The following DLGAP2 variants were observed in gnomAD, a reference collection of about 807,000 sequenced individuals.
DLGAP2 encodes disks large-associated protein 2.
In DLGAP2, 26 loss-of-function variants were observed where a neutral mutation model predicts 100.3. The ratio of observed to expected loss-of-function variants is 0.26; its 90% CI spans 0.19 to 0.36. The LOEUF (loss-of-function observed/expected upper bound fraction) is 0.36, where lower values mean the gene tolerates loss of function less well. Among genes scored for constraint, DLGAP2 ranks in the 10% least tolerant of loss-of-function variants. The probability of loss-of-function intolerance (pLI) is 1.00; values close to 1 mark genes in which losing one functional copy is unlikely to be tolerated. For synonymous variants in DLGAP2, 886 were observed against 630.1 expected, an observed-to-expected ratio of 1.41 and a Z score of -6.08; for missense variants, 1,858 against 1,453.2, an observed-to-expected ratio of 1.28 and a Z score of -4.53.
At chr8:1,324,437 G>T (rs184111071) in intron 3 of DLGAP2, among the ~76,000 whole-genome samples, 1 of 152,144 alleles carries the variant, frequency 6.6e-6, no homozygotes, top group Non-Finnish European at 1.5e-5. Flanking sequence ...TTTCGTCTGC[G>T]TTACTGTCTG....
chr8:767,582 C>T (rs1293723220), intron 1 of DLGAP2, among the ~76,000 whole-genome samples: 1 of 152,052 alleles, frequency 6.6e-6, no homozygotes, highest in East Asian at 1.9e-4. Context: ...GTCTCGAACT[C>T]CTGACCTCGT....
intron 3 of DLGAP2, among the ~76,000 whole-genome samples, chr8:1,469,409 G>A (rs1798717611): frequency 6.6e-6 from 1 of 152,198 alleles, no homozygotes; most frequent in African/African-American, 2.4e-5. Flanking sequence ...CTCCTCAGGA[G>A]ACCCTCCATG....
intron 2 of DLGAP2, among the ~76,000 whole-genome samples, chr8:1,119,054 C>G (rs1468691544): frequency 6.6e-6 from 1 of 152,128 alleles, no homozygotes; most frequent in Non-Finnish European, 1.5e-5. Flanking sequence ...ACAACTTTAC[C>G]ATTAACTATT....
chr8:1,356,566 A>T (rs1801856820), intron 3 of DLGAP2, among the ~76,000 whole-genome samples: 1 of 152,016 alleles, frequency 6.6e-6, no homozygotes, highest in Non-Finnish European at 1.5e-5. Context: ...TGTGAGAGTT[A>T]CCCTGTGGCC....
chr8:1,121,184 C>T (rs1263197545), intron 2 of DLGAP2, among the ~76,000 whole-genome samples: 3 of 151,334 alleles, frequency 2.0e-5, no homozygotes, highest in African/African-American at 7.3e-5. Flanking sequence ...CCCATGACCA[C>T]CCGTCCTCCC....
At chr8:1,464,775 C>G (rs1246395749) in intron 3 of DLGAP2, among the ~76,000 whole-genome samples, 1 of 152,186 alleles carries the variant, frequency 6.6e-6, no homozygotes, top group Admixed American at 6.5e-5. Context: ...GTCCTGGCCT[C>G]CAGCGAAGCA....
chr8:1,157,720 C>T (rs550571132), intron 2 of DLGAP2, among the ~76,000 whole-genome samples: 22 of 152,302 alleles, frequency 1.4e-4, no homozygotes, highest in African/African-American at 5.1e-4. Flanking sequence ...CACATGGCAC[C>T]ATGACAAGAG....
chr8:1,681,901 T>C (rs181682570), intron 12 of DLGAP2, among the ~76,000 whole-genome samples: 18 of 138,860 alleles, frequency 1.3e-4, no homozygotes, highest in Middle Eastern at 3.5e-3. Flanking sequence ...CCAGCAGTGA[T>C]CTGGGACTGG....
intron 6 of DLGAP2, among the ~76,000 whole-genome samples, chr8:1,586,139 T>C (rs1041877739): frequency 6.6e-6 from 1 of 152,280 alleles, no homozygotes; most frequent in Non-Finnish European, 1.5e-5. Context: ...CGGGTTTCTC[T>C]GGGCTAAGGC....
At chr8:1,439,619 G>T (rs958292132) in intron 3 of DLGAP2, among the ~76,000 whole-genome samples, 1 of 152,142 alleles carries the variant, frequency 6.6e-6, no homozygotes, top group Non-Finnish European at 1.5e-5. Flanking sequence ...CAAATAGAAC[G>T]TTGCAGGCAG....
intron 2 of DLGAP2, among the ~76,000 whole-genome samples, chr8:1,211,535 A>G (rs2116787205): frequency 6.6e-6 from 1 of 152,372 alleles, no homozygotes; most frequent in East Asian, 1.9e-4. Flanking sequence ...AAACATGTAA[A>G]CAGCTTATGT....
intron 3 of DLGAP2, among the ~76,000 whole-genome samples, chr8:1,274,298 A>G (rs537017715): frequency 2.3e-4 from 35 of 152,188 alleles, no homozygotes; most frequent in Non-Finnish European, 4.6e-4. Flanking sequence ...GCATGACACA[A>G]CCACACTTGT....
intron 3 of DLGAP2, among the ~76,000 whole-genome samples, chr8:1,354,966 C>A (rs1459241463): frequency 9.7e-6 from 1 of 102,972 alleles, no homozygotes; most frequent in Non-Finnish European, 2.0e-5. Context: ...GATGATGCTG[C>A]GGATGAGGGT....
chr8:744,889 C>T (rs1023972489), intron 1 of DLGAP2, among the ~76,000 whole-genome samples: 5 of 152,222 alleles, frequency 3.3e-5, no homozygotes, highest in South Asian at 2.1e-4. Context: ...TCCCAGCCTC[C>T]GAATTCCTCG....
Position 1,494,726 on chromosome 8 carries a change from T to TA in DLGAP2, c.107-6630dup, listed in dbSNP as rs377747376. On this transcript the variant is annotated intron_variant, in intron 3 of 14. Coordinates refer to ENST00000637795, the MANE Select transcript of DLGAP2 (RefSeq NM_001346810.2). ...CTGGGCAACAGACCCAGACTCCATCTAAAAAAAAAAGGAAAGAAAAGAAAA... is the reference window on the plus strand; with the variant it reads ...CTGGGCAACAGACCCAGACTCCATCTAAAAAAAAAAAGGAAAGAAAAGAAAA... 3.0e-4 allele frequency among the ~76,000 whole-genome samples: 43 copies of TA among 145,678 alleles called. 1 individual carries two copies. In the South Asian group the frequency reaches 5.2e-3, roughly 18 times the overall value.
chr8:902,992 GCGGA>G (rs1798293078), intron 1 of DLGAP2, among the ~76,000 whole-genome samples: 1 of 98,440 alleles, frequency 1.0e-5, no homozygotes, highest in East Asian at 3.9e-4. Flanking sequence ...GGGCGGGGGG[GCGGA>G]AAGTGTGTGG....
At chr8:915,020 G>A (rs900785221) in intron 2 of DLGAP2, among the ~76,000 whole-genome samples, 2 of 152,202 alleles carry the variant, frequency 1.3e-5, no homozygotes, top group African/African-American at 4.8e-5. Context: ...GTAACTTTGT[G>A]TGTAACTATC....
At chr8:1,659,096 T>C (rs1013246337) in intron 8 of DLGAP2, among the ~76,000 whole-genome samples, 52 of 152,182 alleles carry the variant, frequency 3.4e-4, no homozygotes, top group Non-Finnish European at 1.5e-4. Context: ...ATTTCGTTAT[T>C]TACCCAGTAG....
chr8:1,371,314 A>T (rs1802231468), intron 3 of DLGAP2, among the ~76,000 whole-genome samples: 1 of 152,188 alleles, frequency 6.6e-6, no homozygotes, highest in African/African-American at 2.4e-5. Flanking sequence ...TCATTTCCTG[A>T]CTTGGACCTG....
Sources: gnomAD v4.1 joint callset for allele counts (sites outside exome capture counted in the v4.1 genomes callset) on GRCh38, gnomAD v4.1.1 for gene constraint, MANE v1.5 for transcripts, NCBI Gene and HGNC (gene_info 2026-07-23, HGNC 2026-07-21) for gene names.